DIS3L2: variants seen among roughly 807,000 people sequenced by gnomAD.
DIS3L2 encodes DIS3-like exonuclease 2.
In DIS3L2, 34 loss-of-function variants were observed where a neutral mutation model predicts 97.5. The observed-to-expected ratio is 0.35, with a 90% CI of 0.27 to 0.46. DIS3L2 has a LOEUF of 0.46. Ranked by LOEUF, DIS3L2 falls within the 20% of genes least tolerant of loss-of-function variation. The probability of loss-of-function intolerance (pLI) is 1.00; values close to 1 mark genes in which losing one functional copy is unlikely to be tolerated. For synonymous variants in DIS3L2, 435 were observed against 445.2 expected (o/e 0.98, Z 0.29); for missense variants, 1,038 against 1,146.0 (o/e 0.91, Z 1.36).
At chr2:232,339,764 G>C (rs1281537122), downstream of DIS3L2, 1 of 455,196 alleles carries the variant, frequency 2.2e-6, no homozygotes, top group Admixed American at 2.4e-5. Context: ...AGTGCCTTTT[G>C]GGAGCGCAGG....
At position 232,058,442 on chromosome 2, in the gene DIS3L2, G is replaced by A. The variant is rs185195924; in HGVS notation, c.366+28362G>A. 2.2e-3 allele frequency among the ~76,000 whole-genome samples: 333 copies of A among 152,268 alleles called. 1 individual carries two copies. The highest frequency in any genetic ancestry group is 0.012 in the Admixed American group (186 of 15,296). ...TCTGGGTGGAGGGTACTGAGTGGGG[G>A]AGTAACATTCTCTGTTTCTAATTAG... On this transcript the variant is annotated intron_variant, in intron 5 of 20. Coordinates refer to ENST00000325385, the MANE Select transcript of DIS3L2 (RefSeq NM_152383.5).
intron 6 of DIS3L2, among the ~76,000 whole-genome samples, chr2:232,105,251 A>G (rs1205724576): frequency 6.6e-6 from 1 of 152,168 alleles, no homozygotes; most frequent in Non-Finnish European, 1.5e-5. Flanking sequence ...AATTCTTTTT[A>G]TACCTAAGTC....
intron 13 of DIS3L2, among the ~76,000 whole-genome samples, chr2:232,282,423 C>T (rs183676720): frequency 6.6e-6 from 1 of 152,174 alleles, no homozygotes; most frequent in Admixed American, 6.5e-5. Context: ...CTGGTTTTGT[C>T]CCATTTTCAA....
chr2:232,015,055 C>A, intron 2 of DIS3L2, 76 bp downstream of exon 2: 1 of 1,495,106 alleles, frequency 6.7e-7, no homozygotes, highest in Non-Finnish European at 9.3e-7. Context: ...GAAGTGGAGG[C>A]TGTCTTTTAG....
intron 6 of DIS3L2, among the ~76,000 whole-genome samples, chr2:232,115,929 T>C (rs1053038404): frequency 1.3e-5 from 2 of 152,140 alleles, no homozygotes; most frequent in African/African-American, 4.8e-5. Context: ...CCTAGCACTT[T>C]GGGAGGCTGA....
At chr2:232,319,286 C>T (rs962377751) in intron 14 of DIS3L2, among the ~76,000 whole-genome samples, 5 of 152,236 alleles carry the variant, frequency 3.3e-5, no homozygotes, top group African/African-American at 7.2e-5. Context: ...CTGCATGCTA[C>T]GTATAAGCAT....
At chr2:232,203,735 G>T (rs569246826) in intron 9 of DIS3L2, among the ~76,000 whole-genome samples, 1 of 152,330 alleles carries the variant, frequency 6.6e-6, no homozygotes, top group East Asian at 1.9e-4. Flanking sequence ...AGAGAGGCAG[G>T]TTGCAGGCAT....
chr2:232,156,901 TA>T (rs768473939), intron 8 of DIS3L2, among the ~76,000 whole-genome samples: 72 of 151,486 alleles, frequency 4.8e-4, no homozygotes, highest in Non-Finnish European at 8.3e-4. Context: ...AATGGATGGT[TA>T]GTTATTTTAT....
At chr2:232,184,651 A>G (rs2106188333) in intron 9 of DIS3L2, among the ~76,000 whole-genome samples, 1 of 152,334 alleles carries the variant, frequency 6.6e-6, no homozygotes, top group East Asian at 1.9e-4. Flanking sequence ...CACTATCTCA[A>G]AAAAAGAAAG....
chr2:232,252,936 A>G (rs1162532507), intron 12 of DIS3L2, among the ~76,000 whole-genome samples: 1 of 152,114 alleles, frequency 6.6e-6, no homozygotes, highest in Non-Finnish European at 1.5e-5. Flanking sequence ...CCTTGTGTGG[A>G]TGAAAAAAAA....
chr2:232,290,432 G>A (rs1275381657), intron 13 of DIS3L2, among the ~76,000 whole-genome samples: 7 of 152,156 alleles, frequency 4.6e-5, no homozygotes, highest in Non-Finnish European at 1.0e-4. Flanking sequence ...CAGGTCGTGT[G>A]GGACAGTGGT....
chr2:232,211,495 C>T (rs1692189668), intron 10 of DIS3L2, among the ~76,000 whole-genome samples: 2 of 152,154 alleles, frequency 1.3e-5, no homozygotes, highest in Non-Finnish European at 2.9e-5. Context: ...TAGTTTTTAC[C>T]TACTTCTTGC....
At chr2:232,095,547 A>G in intron 6 of DIS3L2, among the ~76,000 whole-genome samples, 1 of 152,086 alleles carries the variant, frequency 6.6e-6, no homozygotes, top group Non-Finnish European at 1.5e-5. Flanking sequence ...TATTATTTTT[A>G]ATTGGTTTAT....
rs183805686 is a variant in DIS3L2, at chr2:232,241,943, T to C, written c.1317+3298T>C. Among the ~76,000 whole-genome samples the C allele has an allele frequency of 1.4e-3, 217 of 152,356 alleles. 1 individual carries two copies. Among genetic ancestry groups the C allele is most frequent in the African/African-American group, 5.1e-3 (211 of 41,590 alleles). On this transcript the variant is annotated intron_variant, in intron 11 of 20. Transcript: ENST00000325385. ...AACAGCTCAAGTGAAAGTTCGCCCA[T>C]AAATCTCTACGATATTTTATTGGTA...
chr2:232,227,687 G>A (rs1268620834), intron 10 of DIS3L2, among the ~76,000 whole-genome samples: 3 of 152,090 alleles, frequency 2.0e-5, no homozygotes, highest in African/African-American at 7.2e-5. Context: ...AACCCAAAAG[G>A]TATCTCCAGT....
intron 8 of DIS3L2, among the ~76,000 whole-genome samples, chr2:232,162,333 G>A (rs1690677029): frequency 6.6e-6 from 1 of 152,156 alleles, no homozygotes; most frequent in East Asian, 1.9e-4. Context: ...CAAGTAGACT[G>A]GGCTGGTCTC....
At chr2:232,201,481 G>A (rs945025296) in intron 9 of DIS3L2, among the ~76,000 whole-genome samples, 5 of 152,140 alleles carry the variant, frequency 3.3e-5, no homozygotes, top group African/African-American at 1.2e-4. Context: ...AAAAAGCAAT[G>A]TTATATTTGA....
chr2:232,344,300 T>G (rs1424567142), exon 14 of DIS3L2: 1 of 152,244 alleles, frequency 6.6e-6, no homozygotes, highest in East Asian at 1.9e-4. Flanking sequence ...AACCTAAATA[T>G]TATGGCAGCC....
At chr2:232,128,113 G>T (rs1204609940) in intron 6 of DIS3L2, among the ~76,000 whole-genome samples, 1 of 151,792 alleles carries the variant, frequency 6.6e-6, no homozygotes, top group Non-Finnish European at 1.5e-5. Context: ...ATCACACCTG[G>T]TGGATTTTTT....
Sources: gnomAD v4.1 joint callset for allele counts (sites outside exome capture counted in the v4.1 genomes callset) on GRCh38, gnomAD v4.1.1 for gene constraint, MANE v1.5 for transcripts, NCBI Gene and HGNC (gene_info 2026-07-23, HGNC 2026-07-21) for gene names.